ATXN1: variants seen among roughly 807,000 people sequenced by gnomAD.
ATXN1 encodes the protein ataxin-1.
ATXN1 carries 8 observed loss-of-function variants against 56.4 expected under a neutral mutation model. That is an observed-to-expected ratio of 0.14 (90% confidence interval 0.08 to 0.26). The LOEUF is 0.26. Among genes scored for constraint, ATXN1 ranks in the 10% least tolerant of loss-of-function variants. ATXN1 has a pLI of 1.00. For missense variants in ATXN1, 987 were observed against 1,106.5 expected, an observed-to-expected ratio of 0.89 and a Z score of 1.53; for synonymous variants, 514 against 494.6, an observed-to-expected ratio of 1.04 and a Z score of -0.52.
intron 2 of ATXN1, among the ~76,000 whole-genome samples, chr6:16,664,756 T>A (rs9477202): frequency 0.038 from 5,795 of 151,428 alleles, 136 homozygotes; most frequent in South Asian, 0.077. Context: ...CCTCAATAAA[T>A]TTTAAGAGTA....
chr6:16,390,502 T>C (rs1029166947), intron 6 of ATXN1, among the ~76,000 whole-genome samples: 4 of 152,152 alleles, frequency 2.6e-5, no homozygotes, highest in Admixed American at 2.6e-4. Flanking sequence ...GTTTAGAACT[T>C]GGGTTGTTAG....
intron 6 of ATXN1, among the ~76,000 whole-genome samples, chr6:16,411,534 G>GT (rs1012491978): frequency 2.6e-5 from 4 of 151,878 alleles, no homozygotes; most frequent in Non-Finnish European, 4.4e-5. Flanking sequence ...CCCTGGCATA[G>GT]TTTTTTACCT....
At position 16,682,203 on chromosome 6, in the gene ATXN1, C is replaced by CTTTTTTTTT. The variant is rs10528588; in HGVS notation, c.-614-24311_-614-24303dup. On this transcript the variant is annotated intron_variant, in intron 2 of 7. Transcript: ENST00000436367. ...ATTCAGTAGAGGCCACTGGGGAGAA[C>CTTTTTTTTT]TTTTTTTTTTTGAGATGGAGTCTCA... Among the ~76,000 whole-genome samples the CTTTTTTTTT allele has an allele frequency of 1.0e-4, 12 of 116,994 alleles. 3 individuals carry two copies. The highest frequency in any genetic ancestry group is 1.2e-4 in the Non-Finnish European group (7 of 58,324). The allele number at this position is 116,994 out of a possible 152,430, so 76.8% of individuals were successfully genotyped here.
At chr6:16,425,262 T>C (rs1759126091) in intron 6 of ATXN1, among the ~76,000 whole-genome samples, 1 of 152,240 alleles carries the variant, frequency 6.6e-6, no homozygotes, top group African/African-American at 2.4e-5. Flanking sequence ...CCCTACTCCA[T>C]CCCACTGTGC....
In ATXN1 at chr6:16,442,044, A is replaced by G. The variant is rs143337548; in HGVS notation, c.-161+43928T>C. 2.3e-3 allele frequency among the ~76,000 whole-genome samples: 353 copies of G among 152,234 alleles called. 1 individual carries two copies. Among genetic ancestry groups the G allele is most frequent in the African/African-American group, 8.1e-3 (336 of 41,496 alleles). On this transcript the variant is annotated intron_variant, in intron 6 of 7. Coordinates refer to ENST00000436367, the MANE Select transcript of ATXN1 (RefSeq NM_001128164.2). ...ATACTCCATGCACCTGGAAAAACTG[A>G]CCTAGGAAAGAAAACAAAAAAAAAT...
chr6:16,512,787 T>C (rs772858329), intron 5 of ATXN1, among the ~76,000 whole-genome samples: 17 of 152,160 alleles, frequency 1.1e-4, no homozygotes, highest in Non-Finnish European at 1.9e-4. Flanking sequence ...AACAGAAGAA[T>C]GTACTTTAAA....
chr6:16,626,740 T>C (rs1330824428), intron 3 of ATXN1, among the ~76,000 whole-genome samples: 2 of 152,176 alleles, frequency 1.3e-5, no homozygotes, highest in South Asian at 4.1e-4. Flanking sequence ...TATTTGGAAA[T>C]TGGACCTTTT....
intron 2 of ATXN1, among the ~76,000 whole-genome samples, chr6:16,704,258 C>T (rs914611148): frequency 4.6e-5 from 7 of 152,158 alleles, no homozygotes; most frequent in African/African-American, 1.2e-4. Flanking sequence ...CATTTCTACT[C>T]GGGTGCAAGA....
At position 16,436,642 on chromosome 6, in the gene ATXN1, G is replaced by A. The variant is rs549350066; in HGVS notation, c.-161+49330C>T. 2.0e-5 allele frequency among the ~76,000 whole-genome samples: 3 copies of A among 152,074 alleles called. No individual in the cohort carries two copies. The South Asian group carries it at 6.2e-4, about 32-fold the overall frequency. Reference sequence around the variant, plus strand: ...TACCAAGGTCCTGGGGTGGGCTCCTGTGTGGTGTGTTGGAGGAACACCATC... The same window carrying A: ...TACCAAGGTCCTGGGGTGGGCTCCTATGTGGTGTGTTGGAGGAACACCATC... On this transcript the variant is annotated intron_variant, in intron 6 of 7. Coordinates refer to ENST00000436367, the MANE Select transcript of ATXN1 (RefSeq NM_001128164.2).
chr6:16,726,450 AT>A (rs919567356), intron 2 of ATXN1, among the ~76,000 whole-genome samples: 27 of 152,192 alleles, frequency 1.8e-4, no homozygotes, highest in African/African-American at 6.5e-4. Flanking sequence ...CATATGTATA[AT>A]ATCTTAGTGT....
chr6:16,462,349 AC>A (rs1388962872), intron 6 of ATXN1, among the ~76,000 whole-genome samples: 1 of 152,204 alleles, frequency 6.6e-6, no homozygotes, highest in African/African-American at 2.4e-5. Context: ...AAACCTGTGA[AC>A]CATTGGAAGA....
In ATXN1 at chr6:16,330,073, C is replaced by CTTTA. The variant is rs543217325; in HGVS notation, c.-160-1604_-160-1603insTAAA. 1.6e-3 allele frequency among the ~76,000 whole-genome samples: 166 copies of CTTTA among 103,126 alleles called. 2 individuals carry two copies. The highest frequency in any genetic ancestry group is 0.012 in the African/African-American group (151 of 12,818). The allele number at this position is 103,126 out of a possible 152,430, so 67.7% of individuals were successfully genotyped here. A position where few individuals can be genotyped will look rare whatever the true frequency, so the allele number is the denominator to read the frequency against. Reference sequence around the variant, plus strand: ...ACCCTCTTTTCAATGATCTGATTTTCTTTCTTTCTTTCTTTCTTTCTTTGG... The same window carrying CTTTA: ...ACCCTCTTTTCAATGATCTGATTTTCTTTATTTCTTTCTTTCTTTCTTTCTTTGG... On this transcript the variant is annotated intron_variant, in intron 6 of 7. Transcript: ENST00000436367.
intron 4 of ATXN1, among the ~76,000 whole-genome samples, chr6:16,571,039 C>T (rs1463091612): frequency 1.3e-5 from 2 of 152,154 alleles, no homozygotes; most frequent in Admixed American, 6.5e-5. Flanking sequence ...CCTTATGGAG[C>T]TCTGTTGAGG....
intron 4 of ATXN1, among the ~76,000 whole-genome samples, chr6:16,532,017 C>G (rs1369818633): frequency 2.0e-5 from 3 of 152,186 alleles, no homozygotes; most frequent in Admixed American, 2.0e-4. Flanking sequence ...CCAGACATCT[C>G]CATTGCAACT....
chr6:16,429,503 C>T (rs1487438662), intron 6 of ATXN1, among the ~76,000 whole-genome samples: 2 of 150,400 alleles, frequency 1.3e-5, no homozygotes, highest in African/African-American at 2.5e-5. Context: ...CTGCAACCTC[C>T]GCCTCCCAGG....
intron 3 of ATXN1, among the ~76,000 whole-genome samples, chr6:16,619,727 G>A (rs1196808209): frequency 2.6e-5 from 4 of 151,980 alleles, no homozygotes; most frequent in African/African-American, 7.2e-5. Flanking sequence ...GCATGCCCTG[G>A]AGTCAGACTG....
chr6:16,347,571 G>A (rs894235903), intron 6 of ATXN1, among the ~76,000 whole-genome samples: 2 of 152,126 alleles, frequency 1.3e-5, no homozygotes, highest in Non-Finnish European at 2.9e-5. Context: ...AGCACCCTGT[G>A]TCTAGCTCAG....
At chr6:16,430,684 G>A (rs1759262399) in intron 6 of ATXN1, among the ~76,000 whole-genome samples, 1 of 152,028 alleles carries the variant, frequency 6.6e-6, no homozygotes, top group African/African-American at 2.4e-5. Context: ...GCGATGATAG[G>A]GGTGCAGTGG....
intron 5 of ATXN1, among the ~76,000 whole-genome samples, chr6:16,508,256 T>C (rs532135626): frequency 4.6e-5 from 7 of 152,254 alleles, no homozygotes; most frequent in African/African-American, 1.4e-4. Flanking sequence ...GATACTGATA[T>C]AGTAGATAAA....
Sources: gnomAD v4.1 joint callset for allele counts (sites outside exome capture counted in the v4.1 genomes callset) on GRCh38, gnomAD v4.1.1 for gene constraint, MANE v1.5 for transcripts, NCBI Gene and HGNC (gene_info 2026-07-23, HGNC 2026-07-21) for gene names.